The following PREX1 variants were observed in gnomAD, a reference collection of about 807,000 sequenced individuals.
PREX1 encodes phosphatidylinositol 3,4,5-trisphosphate-dependent Rac exchanger 1 protein.
A neutral mutation model predicts 198.3 loss-of-function variants in PREX1; 41 were observed. That is an observed-to-expected ratio of 0.21 (90% CI 0.16 to 0.27). The LOEUF is 0.27. PREX1 is among the 10% of genes least tolerant of loss of function. The probability of loss-of-function intolerance (pLI) is 1.00; values close to 1 mark genes in which losing one functional copy is unlikely to be tolerated. For missense variants in PREX1, 1,620 were observed against 2,200.7 expected (o/e 0.74, Z 5.28); for synonymous variants, 843 against 887.2 (o/e 0.95, Z 0.89).
intron 14 of PREX1, 110 bp downstream of exon 14, chr20:48,676,083 C>A: frequency 6.5e-6 from 7 of 1,073,234 alleles, no homozygotes; most frequent in Non-Finnish European, 9.9e-6. Flanking sequence ...ATGTTCTGTG[C>A]AGTTTGCCAC....
Position 48,783,734 on chromosome 20 carries a change from G to C in PREX1, c.220-35854C>G, listed in dbSNP as rs577748993. 2.0e-5 allele frequency among the ~76,000 whole-genome samples: 3 copies of C among 152,288 alleles called. 1 individual carries two copies. In the South Asian group the frequency reaches 6.2e-4, roughly 32 times the overall value. On this transcript the variant is annotated intron_variant, in intron 1 of 39. Coordinates refer to ENST00000371941, the MANE Select transcript of PREX1 (RefSeq NM_020820.4). ...TGAGATTGGTCTCGACTACTCAGCA[G>C]CATCTCCCAGAACAAAGACACATCT...
At chr20:48,703,362 G>A (rs1164999203) in intron 6 of PREX1, among the ~76,000 whole-genome samples, 1 of 152,220 alleles carries the variant, frequency 6.6e-6, no homozygotes, top group Non-Finnish European at 1.5e-5. Flanking sequence ...CTGGGGGCCA[G>A]GTGGGCATGG....
intron 10 of PREX1, among the ~76,000 whole-genome samples, chr20:48,683,628 G>A (rs2089766385): frequency 1.3e-5 from 2 of 152,198 alleles, no homozygotes; most frequent in Admixed American, 6.5e-5. Context: ...GGGGCCTGCC[G>A]TGTCTAAAGC....
At chr20:48,774,177 T>C (rs777110362) in intron 1 of PREX1, among the ~76,000 whole-genome samples, 3 of 152,230 alleles carry the variant, frequency 2.0e-5, no homozygotes, top group Non-Finnish European at 4.4e-5. Context: ...CAAGGCAGTC[T>C]GGTGAAGGAG....
chr20:48,631,063 G>T (rs753868237), intron 35 of PREX1, among the ~76,000 whole-genome samples: 3 of 152,170 alleles, frequency 2.0e-5, no homozygotes, highest in Non-Finnish European at 4.4e-5. Context: ...TGCTCCCCAG[G>T]CCCTGGTCCT....
intron 6 of PREX1, among the ~76,000 whole-genome samples, chr20:48,701,797 T>C (rs1395273859): frequency 6.6e-6 from 1 of 152,166 alleles, no homozygotes; most frequent in Admixed American, 6.5e-5. Context: ...GTCACCTATG[T>C]TGAGCAGCAG....
At chr20:48,867,482 T>G in the PREX1 span, among the ~76,000 whole-genome samples, 2 of 152,244 alleles carry the variant, frequency 1.3e-5, no homozygotes, top group Non-Finnish European at 2.9e-5. Flanking sequence ...TGAGCCAAGC[T>G]GGGCGGATGA....
At chr20:48,816,991 A>G (rs369571212) in intron 1 of PREX1, among the ~76,000 whole-genome samples, 2 of 152,326 alleles carry the variant, frequency 1.3e-5, no homozygotes, top group South Asian at 2.1e-4. Flanking sequence ...ATCCTAGGCA[A>G]GTGACCTCAC....
chr20:48,630,681 C>T, intron 36 of PREX1, 47 bp downstream of exon 36: 1 of 1,507,182 alleles, frequency 6.6e-7, no homozygotes. Flanking sequence ...CTCCTGAGCG[C>T]CCCACCCTGC....
chr20:48,708,716 A>G (rs995745757), intron 5 of PREX1, among the ~76,000 whole-genome samples: 2 of 152,100 alleles, frequency 1.3e-5, no homozygotes, highest in Admixed American at 6.5e-5. Context: ...TGGACAGAGC[A>G]AGAGAGAGAG....
At chr20:48,745,751 A>G (rs2090104707) in intron 2 of PREX1, among the ~76,000 whole-genome samples, 1 of 152,212 alleles carries the variant, frequency 6.6e-6, no homozygotes. Context: ...GCAATCCTAC[A>G]TTTTAGAATT....
intron 32 of PREX1, among the ~76,000 whole-genome samples, chr20:48,634,986 C>A (rs924654149): frequency 2.6e-5 from 4 of 152,182 alleles, no homozygotes; most frequent in African/African-American, 9.7e-5. Context: ...CCCATCTCTG[C>A]CTTAATTCAC....
intron 23 of PREX1, among the ~76,000 whole-genome samples, 158 bp downstream of exon 23, chr20:48,650,736 A>G (rs933317691): frequency 6.6e-6 from 1 of 152,218 alleles, no homozygotes; most frequent in Non-Finnish European, 1.5e-5. Flanking sequence ...ATGATGTGAT[A>G]AGTTCACCTC....
intron 3 of PREX1, among the ~76,000 whole-genome samples, chr20:48,742,692 A>G (rs564583478): frequency 6.6e-6 from 1 of 152,164 alleles, no homozygotes; most frequent in Non-Finnish European, 1.5e-5. Flanking sequence ...AGGACACGGA[A>G]AAGAGGTTGC....
At chr20:48,818,573 G>A (rs1010263354) in intron 1 of PREX1, among the ~76,000 whole-genome samples, 2 of 152,218 alleles carry the variant, frequency 1.3e-5, no homozygotes, top group African/African-American at 2.4e-5. Context: ...GGCCATTCCC[G>A]GCTGCGCGTC....
intron 15 of PREX1, among the ~76,000 whole-genome samples, 155 bp from the exon 16 acceptor site, chr20:48,660,216 C>T (rs1348298496): frequency 6.6e-6 from 1 of 152,234 alleles, no homozygotes; most frequent in Non-Finnish European, 1.5e-5. Context: ...CCAACACTAA[C>T]ATATTAGGAT....
intron 30 of PREX1, among the ~76,000 whole-genome samples, chr20:48,638,153 G>C (rs377592138): frequency 2.2e-4 from 34 of 151,970 alleles, no homozygotes; most frequent in African/African-American, 7.0e-4. Context: ...CACACACAGA[G>C]ACACACACAT....
rs2089904960 is a variant in PREX1, at chr20:48,706,747, C to A, written c.783+1513G>T. On this transcript the variant is annotated intron_variant, in intron 6 of 39. Coordinates refer to ENST00000371941, the MANE Select transcript of PREX1 (RefSeq NM_020820.4). ...CATCCTAACTGACGCACCTGAGGAT[C>A]AGGCAACTTTCAGATGCAGGAAACA... Among the ~76,000 whole-genome samples the A allele has an allele frequency of 2.6e-5, 4 of 152,218 alleles. No homozygotes were observed. The South Asian group carries it at 8.3e-4, about 32-fold the overall frequency.
In PREX1 at chr20:48,681,348, C is replaced by T; in HGVS notation, c.1335-13G>A. ...GGCAACGAACTCACTGCCAGGAACA[C>T]AATATGTGGTTGAGAGGATTTCCCC... On this transcript the variant is annotated splice_polypyrimidine_tract_variant and intron_variant, in intron 10 of 39. Coordinates refer to ENST00000371941, the MANE Select transcript of PREX1 (RefSeq NM_020820.4). 6.2e-7 allele frequency: 1 copy of T among 1,613,310 alleles called. No individual in the cohort carries two copies. The highest frequency in any genetic ancestry group is 1.1e-5 in the South Asian group (1 of 91,062).
Sources: gnomAD v4.1 joint callset for allele counts (sites outside exome capture counted in the v4.1 genomes callset) on GRCh38, gnomAD v4.1.1 for gene constraint, MANE v1.5 for transcripts, NCBI Gene and HGNC (gene_info 2026-07-23, HGNC 2026-07-21) for gene names.